SH2B2: variants seen among roughly 807,000 people sequenced by gnomAD.
SH2B2 encodes the protein SH2B adapter protein 2.
A neutral mutation model predicts 35.7 loss-of-function variants in SH2B2; 37 were observed. The observed-to-expected ratio is 1.04, with a 90% CI of 0.80 to 1.36. The LOEUF (loss-of-function observed/expected upper bound fraction) is 1.36. Ranked by LOEUF, SH2B2 falls within the 40% of genes most tolerant of loss-of-function variation. SH2B2 has a pLI of 0.00. For synonymous variants in SH2B2, 383 were observed against 376.4 expected (o/e 1.02, Z -0.20); for missense variants, 852 against 817.7 (o/e 1.04, Z -0.51).
At chr7:102,300,407 C>A in intron 1 of SH2B2, 115 bp from the exon 2 acceptor site, 1 of 1,212,612 alleles carries the variant, frequency 8.2e-7, no homozygotes, top group Non-Finnish European at 1.1e-6. Context: ...CACACGTGTG[C>A]ATGTACACAC....
rs1422717461 is a variant in SH2B2, at chr7:102,287,101, C to G, written c.-30+7C>G. ...CGCAGCTGCGCGCCTGTAGGTATGGCCTCCTTATACCCAGTTCCTCGCTCC... is the reference window on the plus strand; with the variant it reads ...CGCAGCTGCGCGCCTGTAGGTATGGGCTCCTTATACCCAGTTCCTCGCTCC... On this transcript the variant is annotated splice_region_variant and intron_variant, in intron 1 of 8. Coordinates refer to ENST00000444095, the MANE Select transcript of SH2B2 (RefSeq NM_001359228.2). The G allele has an allele frequency of 1.4e-4, 22 of 152,066 alleles. No homozygotes were observed. Among genetic ancestry groups the G allele is most frequent in the African/African-American group, 5.3e-4 (22 of 41,510 alleles). The allele number at this position is 152,066 out of a possible 1,614,324, so 9.4% of individuals were successfully genotyped here.
chr7:102,295,653 A>T (rs1554552421), intron 1 of SH2B2, among the ~76,000 whole-genome samples: 1 of 152,240 alleles, frequency 6.6e-6, no homozygotes, highest in Non-Finnish European at 1.5e-5. Flanking sequence ...CAAGAGAGAC[A>T]GGCAGGAGGA....
At chr7:102,313,755 C>CA (rs1283604625) in intron 4 of SH2B2, among the ~76,000 whole-genome samples, 157 of 149,072 alleles carry the variant, frequency 1.1e-3, no homozygotes, top group Non-Finnish European at 1.6e-3. Context: ...ACTAAAAATA[C>CA]AAAAAAATTA....
At chr7:102,305,900 T>C (rs1481859405) in intron 2 of SH2B2, among the ~76,000 whole-genome samples, 90 of 145,296 alleles carry the variant, frequency 6.2e-4, no homozygotes, top group African/African-American at 2.1e-3. Flanking sequence ...TTTCTTTTTT[T>C]TTTTTTTTTT....
intron 2 of SH2B2, among the ~76,000 whole-genome samples, chr7:102,305,860 G>C (rs950553596): frequency 6.6e-6 from 1 of 150,796 alleles, no homozygotes; most frequent in Non-Finnish European, 1.5e-5. Context: ...GGACTTGCAA[G>C]GTGACTATAG....
At chr7:102,298,436 G>C (rs1340344993) in intron 1 of SH2B2, among the ~76,000 whole-genome samples, 1 of 152,028 alleles carries the variant, frequency 6.6e-6, no homozygotes, top group East Asian at 1.9e-4. Context: ...GGTTGTTGTT[G>C]TTGTTTTTGA....
At position 102,321,286 on chromosome 7, in the gene SH2B2, C is replaced by A; in HGVS notation, c.1568-13C>A. On this transcript the variant is annotated splice_polypyrimidine_tract_variant and intron_variant, in intron 8 of 8. Coordinates refer to ENST00000444095, the MANE Select transcript of SH2B2 (RefSeq NM_001359228.2). Reference sequence around the variant, plus strand: ...CAGGTCCCCACTCACGCCCTGCCGTCGCCTTGTTGCAGAGCCGGGCCCCAC... The same window carrying A: ...CAGGTCCCCACTCACGCCCTGCCGTAGCCTTGTTGCAGAGCCGGGCCCCAC... 1 of 1,369,756 alleles carries A rather than the reference C, an allele frequency of 7.3e-7. No individual in the cohort carries two copies. Among genetic ancestry groups the A allele is most frequent in the South Asian group, 1.6e-5 (1 of 60,918 alleles). 84.9% of individuals were successfully genotyped at this position (1,369,756 alleles called of 1,614,324 possible).
At chr7:102,318,636 C>T (rs1472762281) in intron 7 of SH2B2, among the ~76,000 whole-genome samples, 1 of 152,152 alleles carries the variant, frequency 6.6e-6, no homozygotes, top group Non-Finnish European at 1.5e-5. Context: ...CTTAGGACTC[C>T]TGCTCCAGGC....
chr7:102,308,812 C>A lies in SH2B2; in HGVS notation c.832-3C>A. On this transcript the variant is annotated splice_region_variant and splice_polypyrimidine_tract_variant and intron_variant, in intron 3 of 8. Coordinates refer to ENST00000444095, the MANE Select transcript of SH2B2 (RefSeq NM_001359228.2). Reference sequence around the variant, plus strand: ...CTGCACTCCCGGCCACCTTCCTCCCCAGGTAGAGAATGGAGCCGAATACAT... The same window carrying A: ...CTGCACTCCCGGCCACCTTCCTCCCAAGGTAGAGAATGGAGCCGAATACAT... The A allele has an allele frequency of 1.2e-6, 2 of 1,613,110 alleles. No individual in the cohort carries two copies. The highest frequency in any genetic ancestry group is 1.7e-6 in the Non-Finnish European group (2 of 1,179,308).
At chr7:102,299,673 T>C (rs1436331001) in intron 1 of SH2B2, among the ~76,000 whole-genome samples, 1 of 152,158 alleles carries the variant, frequency 6.6e-6, no homozygotes. Context: ...CCTCGGTATA[T>C]TTCAAAGGTC....
chr7:102,317,262 C>T lies in SH2B2; in HGVS notation c.1262C>T (p.Thr421Ile), dbSNP rs782191132. The T allele has an allele frequency of 1.9e-6, 3 of 1,613,658 alleles. No homozygotes were observed. The South Asian group carries it at 3.3e-5, about 18-fold the overall frequency. Residue 421 changes from threonine to isoleucine, a missense_variant, in exon 7 of 9, where the codon ACA becomes ATA. Thr to Ile is a moderately conservative substitution (Grantham distance 89). Transcript: ENST00000444095. Reference sequence around the variant, plus strand: ...TCCGACTACCCATGGTTCCACGGGACACTGTCCCGGGTCAAGGCTGCTCAA... The same window carrying T: ...TCCGACTACCCATGGTTCCACGGGATACTGTCCCGGGTCAAGGCTGCTCAA... ...ELSDYPWFHG[T>I]LSRVKAAQLV...
At chr7:102,286,507 C>A (rs1175925713), upstream of SH2B2, among the ~76,000 whole-genome samples, 2 of 152,122 alleles carry the variant, frequency 1.3e-5, no homozygotes, top group Admixed American at 1.3e-4. Flanking sequence ...CCGGGGCCAC[C>A]ACCACCGCGG....
intron 4 of SH2B2, among the ~76,000 whole-genome samples, chr7:102,313,745 A>C (rs1793711762): frequency 6.6e-6 from 1 of 151,658 alleles, no homozygotes; most frequent in South Asian, 2.1e-4. Context: ...CCTCATCTCT[A>C]CTAAAAATAC....
intron 2 of SH2B2, among the ~76,000 whole-genome samples, chr7:102,305,893 CTTTTTTTT>C (rs1292537190): frequency 1.0e-4 from 11 of 107,290 alleles, no homozygotes; most frequent in African/African-American, 4.0e-4. Context: ...TTTTTTTTTT[CTTTTTTTT>C]TTTTTTTTTT....
At chr7:102,313,201 C>A (rs1483789252) in intron 4 of SH2B2, among the ~76,000 whole-genome samples, 2 of 148,934 alleles carry the variant, frequency 1.3e-5, no homozygotes, top group Non-Finnish European at 3.0e-5. Context: ...AATCCCCACA[C>A]TCTGGGAGGC....
At chr7:102,290,465 G>A (rs888104471) in intron 1 of SH2B2, among the ~76,000 whole-genome samples, 14 of 151,950 alleles carry the variant, frequency 9.2e-5, no homozygotes, top group African/African-American at 1.5e-4. Context: ...GGGTTTCACC[G>A]TGTTGGCCAG....
In SH2B2 at chr7:102,297,880, A is replaced by G. The variant is rs1336657370; in HGVS notation, c.-29-2642A>G. ...TAAGGATAATGGTGAAAATAGGCAG[A>G]GTGCATGAACGCATCAGAGGGAGTA... On this transcript the variant is annotated intron_variant, in intron 1 of 8. Transcript: ENST00000444095. This position sits in a 1 kb window ranked among gnomAD's most constrained non-coding sequence, Gnocchi z 4.3. Among the ~76,000 whole-genome samples the G allele has an allele frequency of 6.6e-6, 1 of 152,162 alleles. No homozygotes were observed. The highest frequency in any genetic ancestry group is 1.5e-5 in the Non-Finnish European group (1 of 68,022).
At chr7:102,306,155 C>T (rs1004636680) in intron 2 of SH2B2, among the ~76,000 whole-genome samples, 2 of 152,064 alleles carry the variant, frequency 1.3e-5, no homozygotes, top group Non-Finnish European at 2.9e-5. Flanking sequence ...GGCGCAATCT[C>T]AGCTCACCGC....
intron 3 of SH2B2, among the ~76,000 whole-genome samples, chr7:102,308,066 C>G (rs909907692): frequency 6.6e-6 from 1 of 152,196 alleles, no homozygotes; most frequent in Non-Finnish European, 1.5e-5. Context: ...CCACCGCGCC[C>G]GGCCCAGCAA....
Sources: gnomAD v4.1 joint callset for allele counts (sites outside exome capture counted in the v4.1 genomes callset) on GRCh38, gnomAD v4.1.1 for gene constraint, Gnocchi (gnomAD v3.1) non-coding constraint, MANE v1.5 for transcripts, NCBI Gene and HGNC (gene_info 2026-07-23, HGNC 2026-07-21) for gene names.